CTNNA3: variants seen among roughly 807,000 people sequenced by gnomAD.
CTNNA3 encodes the protein catenin alpha-3.
CTNNA3 carries 76 observed loss-of-function variants against 95.7 expected under a neutral mutation model. The ratio of observed to expected loss-of-function variants is 0.79; its 90% CI spans 0.66 to 0.96. The LOEUF (loss-of-function observed/expected upper bound fraction) is 0.96, where lower values mean the gene tolerates loss of function less well. Ranked by LOEUF, CTNNA3 falls within the 40% of genes least tolerant of loss-of-function variation. The pLI, the probability that CTNNA3 is intolerant of heterozygous loss-of-function variation, is 0.00. For synonymous variants in CTNNA3, 431 were observed against 374.4 expected (o/e 1.15, Z -1.74); for missense variants, 1,191 against 1,089.8 (o/e 1.09, Z -1.31).
chr10:67,437,947 A>G (rs554878256), intron 5 of CTNNA3, among the ~76,000 whole-genome samples: 23 of 152,122 alleles, frequency 1.5e-4, no homozygotes, highest in African/African-American at 5.3e-4. Flanking sequence ...AATTATAAAA[A>G]TGGTAGAATT....
At chr10:66,269,794 G>A (rs537667530) in intron 13 of CTNNA3, among the ~76,000 whole-genome samples, 2 of 152,096 alleles carry the variant, frequency 1.3e-5, no homozygotes, top group South Asian at 2.1e-4. Context: ...AGTCTCATCC[G>A]GGCTGTTCTA....
chr10:65,943,037 G>C (rs1461231570), intron 17 of CTNNA3, among the ~76,000 whole-genome samples: 2 of 151,654 alleles, frequency 1.3e-5, no homozygotes, highest in Non-Finnish European at 2.9e-5. Flanking sequence ...TGTTGCTTCT[G>C]TTGATAATAG....
intron 9 of CTNNA3, among the ~76,000 whole-genome samples, chr10:66,681,363 A>G (rs1354389782): frequency 6.6e-6 from 1 of 152,160 alleles, no homozygotes; most frequent in African/African-American, 2.4e-5. Flanking sequence ...ACAACCTCAC[A>G]GAATATACCT....
intron 7 of CTNNA3, among the ~76,000 whole-genome samples, chr10:67,110,576 T>A (rs933461651): frequency 6.6e-6 from 1 of 152,104 alleles, no homozygotes; most frequent in East Asian, 1.9e-4. Context: ...TCATAAGGTA[T>A]AACAATAGCT....
chr10:67,322,824 A>T (rs1248130831), intron 5 of CTNNA3, among the ~76,000 whole-genome samples: 3 of 152,046 alleles, frequency 2.0e-5, no homozygotes, highest in Non-Finnish European at 4.4e-5. Flanking sequence ...GGTCAAACTA[A>T]TTTATCCCAC....
At chr10:66,077,959 C>T (rs964396508) in intron 14 of CTNNA3, among the ~76,000 whole-genome samples, 1 of 151,774 alleles carries the variant, frequency 6.6e-6, no homozygotes, top group Non-Finnish European at 1.5e-5. Context: ...GGGGCATCAA[C>T]ACTAAAGAGT....
chr10:66,944,618 T>C (rs2078001361), intron 7 of CTNNA3, among the ~76,000 whole-genome samples: 1 of 152,160 alleles, frequency 6.6e-6, no homozygotes, highest in Non-Finnish European at 1.5e-5. Flanking sequence ...AAAGGAATTA[T>C]TATCCAAGGC....
intron 15 of CTNNA3, among the ~76,000 whole-genome samples, chr10:66,052,415 G>C: frequency 6.7e-6 from 1 of 148,666 alleles, no homozygotes; most frequent in South Asian, 2.2e-4. Context: ...GGAAGGCAGA[G>C]GAAAATATCT....
intron 5 of CTNNA3, among the ~76,000 whole-genome samples, chr10:67,372,661 A>G (rs1393431887): frequency 1.3e-5 from 2 of 152,182 alleles, no homozygotes; most frequent in African/African-American, 4.8e-5. Flanking sequence ...AGCAACTCCA[A>G]GACACATAAT....
In CTNNA3 at chr10:66,342,602, T is replaced by C. The variant is rs534939777; in HGVS notation, c.1732+36550A>G. Among the ~76,000 whole-genome samples the C allele has an allele frequency of 4.7e-4, 72 of 152,178 alleles. 1 individual carries two copies. The highest frequency in any genetic ancestry group is 8.8e-4 in the Non-Finnish European group (60 of 67,926). On this transcript the variant is annotated intron_variant, in intron 12 of 17. Transcript: ENST00000433211. ...ATCAATTGCTTACTATTATTGTCAA[T>C]AAAGGAGAGCTTCTCTTATATAACA...
chr10:66,947,842 A>G (rs571471550), intron 7 of CTNNA3, among the ~76,000 whole-genome samples: 2 of 152,318 alleles, frequency 1.3e-5, no homozygotes, highest in South Asian at 4.1e-4. Flanking sequence ...GCGCTTAGCG[A>G]CAGGAATAGG....
chr10:66,045,183 C>T (rs1669170481), intron 15 of CTNNA3, among the ~76,000 whole-genome samples: 1 of 151,918 alleles, frequency 6.6e-6, no homozygotes, highest in Non-Finnish European at 1.5e-5. Flanking sequence ...GGACATTGTT[C>T]ATCACAATTA....
intron 13 of CTNNA3, among the ~76,000 whole-genome samples, chr10:66,191,307 A>C (rs1245890801): frequency 6.6e-6 from 1 of 152,112 alleles, no homozygotes; most frequent in Non-Finnish European, 1.5e-5. Context: ...TTCTGGATTT[A>C]CAACCCTTAA....
chr10:66,305,163 C>A (rs2091915560), intron 12 of CTNNA3, among the ~76,000 whole-genome samples: 1 of 152,036 alleles, frequency 6.6e-6, no homozygotes, highest in South Asian at 2.1e-4. Flanking sequence ...TTCTGAAATG[C>A]AACATAAACA....
intron 7 of CTNNA3, among the ~76,000 whole-genome samples, chr10:67,110,454 G>A (rs1435014161): frequency 6.6e-6 from 1 of 152,174 alleles, no homozygotes; most frequent in Admixed American, 6.6e-5. Context: ...GAGTGGACTA[G>A]AAGGGGAGCA....
chr10:67,320,519 T>G (rs78472415), intron 5 of CTNNA3, among the ~76,000 whole-genome samples: 6,893 of 152,240 alleles, frequency 0.045, 213 homozygotes, highest in South Asian at 0.1. Flanking sequence ...GGCCAATATA[T>G]TTATTTTGGC....
intron 13 of CTNNA3, among the ~76,000 whole-genome samples, chr10:66,120,802 C>G (rs918205205): frequency 3.3e-5 from 5 of 152,066 alleles, no homozygotes; most frequent in Non-Finnish European, 2.9e-5. Context: ...AAACTATTTT[C>G]TCTTTAAAAG....
intron 12 of CTNNA3, among the ~76,000 whole-genome samples, chr10:66,330,055 G>C (rs1287811077): frequency 6.6e-6 from 1 of 151,972 alleles, no homozygotes; most frequent in African/African-American, 2.4e-5. Context: ...ATATGAAAAA[G>C]AAGTAAGCAC....
chr10:66,963,997 C>A (rs1271051389), intron 7 of CTNNA3, among the ~76,000 whole-genome samples: 2 of 151,942 alleles, frequency 1.3e-5, no homozygotes, highest in African/African-American at 4.8e-5. Context: ...CAGGCATGCA[C>A]CACCATGCCC....
Sources: allele counts gnomAD v4.1 joint callset (sites outside exome capture counted in the v4.1 genomes callset), GRCh38; gene constraint gnomAD v4.1.1; transcripts MANE v1.5; gene names NCBI Gene and HGNC (gene_info 2026-07-23, HGNC 2026-07-21).